NANOS1: variants seen among roughly 807,000 people sequenced by gnomAD.
The protein encoded by NANOS1 is nanos C2HC-type zinc finger 1, also known as nanos homolog 1.
Under a neutral mutation model 1.1 loss-of-function variants are expected in NANOS1, and 1 was observed. The ratio of observed to expected loss-of-function variants is 0.88; its 90% CI spans 0.31 to 4.20. The LOEUF (loss-of-function observed/expected upper bound fraction) is 4.20, where lower values mean the gene tolerates loss of function less well. NANOS1 is among the 30% of genes most tolerant of loss of function. NANOS1 has a pLI of 0.17. For synonymous variants in NANOS1, 252 were observed against 230.6 expected, an observed-to-expected ratio of 1.09 and a Z score of -0.84; for missense variants, 537 against 457.9, an observed-to-expected ratio of 1.17 and a Z score of -1.58.
At position 119,032,564 on chromosome 10, in the gene NANOS1, T is replaced by C. The variant is rs903498314; in HGVS notation, c.*1884T>C. 3.0e-5 allele frequency: 5 copies of C among 167,124 alleles called. No individual in the cohort carries two copies. The highest frequency in any genetic ancestry group is 1.2e-4 in the African/African-American group (5 of 41,470). 10.4% of individuals were successfully genotyped at this position (167,124 alleles called of 1,614,324 possible). ...TGAATCCTCTTACCTCTCTCACTGCTCGTGTTCTGCCTTTTCAAAAGGACC... is the reference window on the plus strand; with the variant it reads ...TGAATCCTCTTACCTCTCTCACTGCCCGTGTTCTGCCTTTTCAAAAGGACC... On this transcript the variant is annotated 3_prime_UTR_variant, in exon 1 of 1. Coordinates refer to ENST00000425699, the MANE Select transcript of NANOS1 (RefSeq NM_199461.4).
rs1043519620 is a variant in NANOS1 at position 119,032,321 on chromosome 10, G to A, written c.*1641G>A. The A allele has an allele frequency of 6.0e-6, 1 of 166,882 alleles. No homozygotes were observed. The highest frequency in any genetic ancestry group is 2.4e-5 in the African/African-American group (1 of 41,426). 10.3% of individuals were successfully genotyped at this position (166,882 alleles called of 1,614,324 possible). ...AGAAAAGGTGCATTTCAAGAACTTG[G>A]GGGGCAGGAGGAAAGCACAATGTTT... On this transcript the variant is annotated 3_prime_UTR_variant, in exon 1 of 1. Coordinates refer to ENST00000425699, the MANE Select transcript of NANOS1 (RefSeq NM_199461.4).
At position 119,033,719 on chromosome 10, in the gene NANOS1, A is replaced by G. The variant is rs1302631285; in HGVS notation, c.*3039A>G. The G allele has an allele frequency of 1.8e-5, 3 of 166,946 alleles. No homozygotes were observed. The highest frequency in any genetic ancestry group is 4.8e-5 in the African/African-American group (2 of 41,464). 10.3% of individuals were successfully genotyped at this position (166,946 alleles called of 1,614,324 possible). ...AACCAAAATTATACATATTAAAATT[A>G]TATCACAAATATATATGCTTCCAGA... On this transcript the variant is annotated 3_prime_UTR_variant, in exon 1 of 1. Coordinates refer to ENST00000425699, the MANE Select transcript of NANOS1 (RefSeq NM_199461.4).
chr10:119,031,861 C>G lies in NANOS1; in HGVS notation c.*1181C>G, dbSNP rs1036841172. ...TTGTTGGGGGTCCTTCATGTGTTCC[C>G]ACTCCTACTGGAAGACCCATGTCGG... On this transcript the variant is annotated 3_prime_UTR_variant, in exon 1 of 1. Coordinates refer to ENST00000425699, the MANE Select transcript of NANOS1 (RefSeq NM_199461.4). The G allele has an allele frequency of 2.4e-5, 4 of 167,034 alleles. No individual in the cohort carries two copies. Among genetic ancestry groups the G allele is most frequent in the African/African-American group, 9.6e-5 (4 of 41,452 alleles). The allele number at this position is 167,034 out of a possible 1,614,324, so 10.3% of individuals were successfully genotyped here. A position where few individuals can be genotyped will look rare whatever the true frequency, so the allele number is the denominator to read the frequency against.
In NANOS1 at chr10:119,030,954, G is replaced by C; in HGVS notation, c.*274G>C. On this transcript the variant is annotated 3_prime_UTR_variant, in exon 1 of 1. Transcript: ENST00000425699. The surrounding 1 kb of genome is among the most constrained non-coding windows in gnomAD (Gnocchi z 5.3). ...TGTGTATTCCACTAACTGAAATATG[G>C]CAACTTAGAGGCGCTGTTTATTTAC... The C allele has an allele frequency of 5.6e-6, 2 of 359,976 alleles. No homozygotes were observed. Among genetic ancestry groups the C allele is most frequent in the Non-Finnish European group, 1.0e-5 (2 of 197,058 alleles). The allele number at this position is 359,976 out of a possible 1,614,324, so 22.3% of individuals were successfully genotyped here. A position where few individuals can be genotyped will look rare whatever the true frequency, so the allele number is the denominator to read the frequency against.
Position 119,030,242 on chromosome 10 carries a change from C to T in NANOS1, c.441C>T (p.Arg147=). 1 of 1,268,536 alleles carries T rather than the reference C, an allele frequency of 7.9e-7. No individual in the cohort carries two copies. The highest frequency in any genetic ancestry group is 9.9e-7 in the Non-Finnish European group (1 of 1,010,664). The allele number at this position is 1,268,536 out of a possible 1,614,324, so 78.6% of individuals were successfully genotyped here. A position where few individuals can be genotyped will look rare whatever the true frequency, so the allele number is the denominator to read the frequency against. ...CCGAGGCCGGGCTGCTGGAGGAGCG[C>T]TTCGCCGAGCTGAGCCCGTTCGCGG... The part of the protein sequence containing the change: ...GPAEAGLLEE[R]FAELSPFAGR... Residue 147 remains arginine, a synonymous_variant, in exon 1 of 1, where the codon CGC becomes CGT. Transcript: ENST00000425699. The surrounding 1 kb of genome is among the most constrained non-coding windows in gnomAD (Gnocchi z 5.3).
chr10:119,030,716 C>A lies in NANOS1; in HGVS notation c.*36C>A. 7.9e-7 allele frequency: 1 copy of A among 1,273,540 alleles called. No individual in the cohort carries two copies. Among genetic ancestry groups the A allele is most frequent in the Non-Finnish European group, 9.9e-7 (1 of 1,010,178 alleles). 78.9% of individuals were successfully genotyped at this position (1,273,540 alleles called of 1,614,324 possible). On this transcript the variant is annotated 3_prime_UTR_variant, in exon 1 of 1. Transcript: ENST00000425699. This position sits in a 1 kb window ranked among gnomAD's most constrained non-coding sequence, Gnocchi z 5.3. ...TCCCGGCCGCCCAGGGTCGCCGCCG[C>A]CCCTCGCACCGCTAGGTCTGCGCAC...
In NANOS1 at chr10:119,030,001, G is replaced by C. The variant is rs749375974; in HGVS notation, c.200G>C (p.Arg67Pro). Residue 67 changes from arginine (R) to proline (P), a missense_variant, in exon 1 of 1, where the codon CGC (arginine) becomes CCC (proline). Physicochemically the swap from Arg to Pro is moderately radical, Grantham distance 103. Coordinates refer to ENST00000425699, the MANE Select transcript of NANOS1 (RefSeq NM_199461.4). The surrounding 1 kb of genome is among the most constrained non-coding windows in gnomAD (Gnocchi z 5.3). Reference protein sequence around the residue: ...VDGEPRFGCARGGNGGGGSPP... With the variant: ...VDGEPRFGCAPGGNGGGGSPP... Reference sequence around the variant, plus strand: ...GGCGAGCCGCGCTTCGGCTGCGCCCGCGGTGGGAACGGCGGCGGCGGCTCC... The same window carrying C: ...GGCGAGCCGCGCTTCGGCTGCGCCCCCGGTGGGAACGGCGGCGGCGGCTCC... 1 of 1,413,662 alleles carries C rather than the reference G, an allele frequency of 7.1e-7. No individual in the cohort carries two copies. The highest frequency in any genetic ancestry group is 9.2e-7 in the Non-Finnish European group (1 of 1,084,228). 87.6% of individuals were successfully genotyped at this position (1,413,662 alleles called of 1,614,324 possible).
In NANOS1 at chr10:119,030,158, G is replaced by A; in HGVS notation, c.357G>A (p.Arg119=). 7.4e-7 allele frequency: 1 copy of A among 1,358,428 alleles called. No homozygotes were observed. The highest frequency in any genetic ancestry group is 9.4e-7 in the Non-Finnish European group (1 of 1,060,686). The allele number at this position is 1,358,428 out of a possible 1,614,324, so 84.1% of individuals were successfully genotyped here. A position where few individuals can be genotyped will look rare whatever the true frequency, so the allele number is the denominator to read the frequency against. ...ACGACAGCGACGAGCCGGGGTCCCG[G>A]GGCCGCTACCTGGGGAGCGCGCTGG... ...DDDDSDEPGS[R]GRYLGSALEL... The change falls in exon 1 of 1, where the codon CGG becomes CGA. Residue 119 remains arginine (R), a synonymous_variant. Coordinates refer to ENST00000425699, the MANE Select transcript of NANOS1 (RefSeq NM_199461.4). The surrounding 1 kb of genome is among the most constrained non-coding windows in gnomAD (Gnocchi z 5.3).
chr10:119,030,165 T>C lies in NANOS1; in HGVS notation c.364T>C (p.Tyr122His), dbSNP rs1451171659. 4 of 1,351,468 alleles carry C rather than the reference T, an allele frequency of 3.0e-6. No homozygotes were observed. The highest frequency in any genetic ancestry group is 2.2e-4 in the Middle Eastern group (1 of 4,604). 83.7% of individuals were successfully genotyped at this position (1,351,468 alleles called of 1,614,324 possible). ...CGACGAGCCGGGGTCCCGGGGCCGC[T>C]ACCTGGGGAGCGCGCTGGAATTGCG... ...DSDEPGSRGR[Y>H]LGSALELRAL... is the part of the protein sequence containing the mutation. Residue 122 changes from tyrosine (Y) to histidine (H), a missense_variant, in exon 1 of 1, where the codon TAC becomes CAC. Physicochemically the swap from Tyr to His is moderately conservative, Grantham distance 83. Transcript: ENST00000425699. This position sits in a 1 kb window ranked among gnomAD's most constrained non-coding sequence, Gnocchi z 5.3.
Position 119,029,844 on chromosome 10 carries a change from C to G in NANOS1, c.43C>G (p.Arg15Gly). 8.3e-7 allele frequency: 1 copy of G among 1,207,868 alleles called. No homozygotes were observed. The allele number at this position is 1,207,868 out of a possible 1,614,324, so 74.8% of individuals were successfully genotyped here. Residue 15 changes from arginine to glycine, a missense_variant, in exon 1 of 1, where the codon CGC becomes GGC. Arg to Gly is a moderately radical substitution (Grantham distance 125). Coordinates refer to ENST00000425699, the MANE Select transcript of NANOS1 (RefSeq NM_199461.4). ...PWAPRSPRRG[R>G]APPPMALVPS... ...GGCGCCCCGCTCGCCCCGCCGCGGC[C>G]GCGCCCCCCCGCCCATGGCGCTCGT... is the stretch of plus-strand genomic sequence containing the variant.
At position 119,030,242 on chromosome 10, in the gene NANOS1, C is replaced by G. The variant is rs1395315303; in HGVS notation, c.441C>G (p.Arg147=). The G allele has an allele frequency of 6.3e-6, 8 of 1,268,536 alleles. No homozygotes were observed. Among genetic ancestry groups the G allele is most frequent in the Non-Finnish European group, 7.9e-6 (8 of 1,010,664 alleles). The allele number at this position is 1,268,536 out of a possible 1,614,324, so 78.6% of individuals were successfully genotyped here. A position where few individuals can be genotyped will look rare whatever the true frequency, so the allele number is the denominator to read the frequency against. Reference sequence around the variant, plus strand: ...CCGAGGCCGGGCTGCTGGAGGAGCGCTTCGCCGAGCTGAGCCCGTTCGCGG... The same window carrying G: ...CCGAGGCCGGGCTGCTGGAGGAGCGGTTCGCCGAGCTGAGCCCGTTCGCGG... ...GPAEAGLLEE[R]FAELSPFAGR... is the part of the protein sequence containing the mutation. Residue 147 remains arginine, a synonymous_variant, in exon 1 of 1, where the codon CGC becomes CGG. Coordinates refer to ENST00000425699, the MANE Select transcript of NANOS1 (RefSeq NM_199461.4). The surrounding 1 kb of genome is among the most constrained non-coding windows in gnomAD (Gnocchi z 5.3).
In NANOS1 at chr10:119,032,541, A is replaced by C. The variant is rs1848066328; in HGVS notation, c.*1861A>C. The C allele has an allele frequency of 6.0e-6, 1 of 167,112 alleles. No homozygotes were observed. The highest frequency in any genetic ancestry group is 2.1e-4 in the South Asian group (1 of 4,828). The allele number at this position is 167,112 out of a possible 1,614,324, so 10.4% of individuals were successfully genotyped here. A position where few individuals can be genotyped will look rare whatever the true frequency, so the allele number is the denominator to read the frequency against. On this transcript the variant is annotated 3_prime_UTR_variant, in exon 1 of 1. Transcript: ENST00000425699. ...GGGTGAAGTTTCTAAGGTCAACATG[A>C]ATCCTCTTACCTCTCTCACTGCTCG...
Position 119,030,860 on chromosome 10 carries a change from G to A in NANOS1, c.*180G>A. ...GGAGTACTTCCGTGCTGAACGATTG[G>A]GACTAGACGCTGAAATCCCCATTTG... On this transcript the variant is annotated 3_prime_UTR_variant, in exon 1 of 1. Transcript: ENST00000425699. The surrounding 1 kb of genome is among the most constrained non-coding windows in gnomAD (Gnocchi z 5.3). 1.2e-6 allele frequency: 1 copy of A among 849,134 alleles called. No homozygotes were observed. 52.6% of individuals were successfully genotyped at this position (849,134 alleles called of 1,614,324 possible).
Position 119,030,597 on chromosome 10 carries a change from C to T in NANOS1, c.796C>T (p.Pro266Ser), listed in dbSNP as rs1848031195. 6.6e-7 allele frequency: 1 copy of T among 1,504,422 alleles called. No individual in the cohort carries two copies. Among genetic ancestry groups the T allele is most frequent in the South Asian group, 1.3e-5 (1 of 78,256 alleles). The allele number at this position is 1,504,422 out of a possible 1,614,324, so 93.2% of individuals were successfully genotyped here. Residue 266 changes from proline to serine, a missense_variant, in exon 1 of 1, where the codon CCG becomes TCG. Transcript: ENST00000425699. This position sits in a 1 kb window ranked among gnomAD's most constrained non-coding sequence, Gnocchi z 5.3. The part of the protein sequence containing the change: ...GDNAHTIKYC[P>S]LSKVPPPPAR... Reference sequence around the variant, plus strand: ...CAACGCGCACACCATCAAGTACTGCCCGCTCTCCAAAGTGCCGCCGCCGCC... The same window carrying T: ...CAACGCGCACACCATCAAGTACTGCTCGCTCTCCAAAGTGCCGCCGCCGCC...
In NANOS1 at chr10:119,030,438, G is replaced by C; in HGVS notation, c.637G>C (p.Val213Leu). ...AARLLKPELQ[V>L]CVFCRNNKEA... ...CCGGCTGCTGAAGCCCGAGCTGCAGGTGTGCGTGTTCTGCCGGAACAACAA... is the reference window on the plus strand; with the variant it reads ...CCGGCTGCTGAAGCCCGAGCTGCAGCTGTGCGTGTTCTGCCGGAACAACAA... Residue 213 changes from valine (V) to leucine (L), a missense_variant, in exon 1 of 1, where the codon GTG (valine) becomes CTG (leucine). Coordinates refer to ENST00000425699, the MANE Select transcript of NANOS1 (RefSeq NM_199461.4). The surrounding 1 kb of genome is among the most constrained non-coding windows in gnomAD (Gnocchi z 5.3). 6.8e-7 allele frequency: 1 copy of C among 1,461,160 alleles called. No individual in the cohort carries two copies. Among genetic ancestry groups the C allele is most frequent in the Non-Finnish European group, 9.1e-7 (1 of 1,104,032 alleles). 90.5% of individuals were successfully genotyped at this position (1,461,160 alleles called of 1,614,324 possible).
In NANOS1 at chr10:119,030,122, GGACGACGACGAC is replaced by G; in HGVS notation, c.325_336del (p.Asp109_Asp112del). 7.5e-7 allele frequency: 1 copy of G among 1,337,584 alleles called. No homozygotes were observed. Among genetic ancestry groups the G allele is most frequent in the Non-Finnish European group, 9.5e-7 (1 of 1,049,014 alleles). The allele number at this position is 1,337,584 out of a possible 1,614,324, so 82.9% of individuals were successfully genotyped here. A position where few individuals can be genotyped will look rare whatever the true frequency, so the allele number is the denominator to read the frequency against. ...CGCTGGGGCCGCCCGACTACGACGA[GGACGACGACGAC>G]GACAGCGACGAGCCGGGGTCCCGGG... On this transcript the variant is annotated inframe_deletion, in exon 1 of 1. Transcript: ENST00000425699. This position sits in a 1 kb window ranked among gnomAD's most constrained non-coding sequence, Gnocchi z 5.3.
Position 119,030,501 on chromosome 10 carries a change from G to A in NANOS1, c.700G>A (p.Gly234Ser). 7 of 1,514,494 alleles carry A rather than the reference G, an allele frequency of 4.6e-6. No homozygotes were observed. Among genetic ancestry groups the A allele is most frequent in the Non-Finnish European group, 6.2e-6 (7 of 1,134,352 alleles). The allele number at this position is 1,514,494 out of a possible 1,614,324, so 93.8% of individuals were successfully genotyped here. The stretch of plus-strand genomic sequence containing the variant: ...GCTCTACACCACCCATATCCTCAAG[G>A]GCCCCGACGGGCGAGTGCTGTGTCC... ...MALYTTHILK[G>S]PDGRVLCPVL... The change falls in exon 1 of 1, where the codon GGC becomes AGC. Residue 234 changes from glycine (G) to serine (S), a missense_variant. By Grantham distance (56) the Gly-to-Ser change is moderately conservative. Coordinates refer to ENST00000425699, the MANE Select transcript of NANOS1 (RefSeq NM_199461.4). This position sits in a 1 kb window ranked among gnomAD's most constrained non-coding sequence, Gnocchi z 5.3.
Position 119,032,328 on chromosome 10 carries a change from G to A in NANOS1, c.*1648G>A, listed in dbSNP as rs532554742. On this transcript the variant is annotated 3_prime_UTR_variant, in exon 1 of 1. Coordinates refer to ENST00000425699, the MANE Select transcript of NANOS1 (RefSeq NM_199461.4). ...GTGCATTTCAAGAACTTGGGGGGCA[G>A]GAGGAAAGCACAATGTTTCTTAGCC... The A allele has an allele frequency of 3.6e-5, 6 of 167,034 alleles. No homozygotes were observed. In the East Asian group the frequency reaches 1.2e-3, roughly 32 times the overall value. 10.3% of individuals were successfully genotyped at this position (167,034 alleles called of 1,614,324 possible).
In NANOS1 at chr10:119,030,493, T is replaced by A. The variant is rs1182722680; in HGVS notation, c.692T>A (p.Ile231Asn). The A allele has an allele frequency of 1.3e-6, 2 of 1,509,870 alleles. No individual in the cohort carries two copies. The highest frequency in any genetic ancestry group is 1.8e-6 in the Non-Finnish European group (2 of 1,131,520). 93.5% of individuals were successfully genotyped at this position (1,509,870 alleles called of 1,614,324 possible). A position where few individuals can be genotyped will look rare whatever the true frequency, so the allele number is the denominator to read the frequency against. Residue 231 changes from isoleucine to asparagine, a missense_variant, in exon 1 of 1, where the codon ATC becomes AAC. Transcript: ENST00000425699. This position sits in a 1 kb window ranked among gnomAD's most constrained non-coding sequence, Gnocchi z 5.3. ...KEAMALYTTH[I>N]LKGPDGRVLC... Reference sequence around the variant, plus strand: ...GCGATGGCGCTCTACACCACCCATATCCTCAAGGGCCCCGACGGGCGAGTG... The same window carrying A: ...GCGATGGCGCTCTACACCACCCATAACCTCAAGGGCCCCGACGGGCGAGTG...
Sources: gnomAD v4.1 joint callset for allele counts on GRCh38, gnomAD v4.1.1 for gene constraint, Gnocchi (gnomAD v3.1) non-coding constraint, MANE v1.5 for transcripts, NCBI Gene and HGNC (gene_info 2026-07-23, HGNC 2026-07-21) for gene names.